The following ZSWIM4 variants were observed in gnomAD, a reference collection of about 807,000 sequenced individuals.
The protein encoded by ZSWIM4 is zinc finger SWIM-type containing 4.
ZSWIM4 carries 62 observed loss-of-function variants against 102.5 expected under a neutral mutation model. The observed-to-expected ratio is 0.60, with a 90% confidence interval of 0.49 to 0.75. ZSWIM4 has a LOEUF of 0.75. Among genes scored for constraint, ZSWIM4 ranks in the 30% least tolerant of loss-of-function variants. The probability of loss-of-function intolerance (pLI) is 0.00; values close to 1 mark genes in which losing one functional copy is unlikely to be tolerated. For missense variants in ZSWIM4, 1,280 were observed against 1,529.6 expected (o/e 0.84, Z 2.72); for synonymous variants, 652 against 674.5 (o/e 0.97, Z 0.52).
rs1383747549 is a variant in ZSWIM4, at chr19:13,819,383, G to C, written c.1951G>C (p.Val651Leu). 1 of 1,613,856 alleles carries C rather than the reference G, an allele frequency of 6.2e-7. No individual in the cohort carries two copies. ...EGGPFSGFGE[V>L]LFRESVPMHT... ...GGGTCCCTTCAGTGGCTTTGGGGAG[G>C]TGCTGTTCCGGGAGAGCGTGCCCAT... is the stretch of plus-strand genomic sequence containing the variant. The change falls in exon 10 of 14, where the codon GTG (valine) becomes CTG (leucine). Residue 651 changes from valine to leucine, a missense_variant. By Grantham distance (32) the Val-to-Leu change is conservative. Transcript: ENST00000590508.
At chr19:13,821,033 C>T (rs1427806021) in intron 10 of ZSWIM4, among the ~76,000 whole-genome samples, 1 of 152,130 alleles carries the variant, frequency 6.6e-6, no homozygotes, top group African/African-American at 2.4e-5. Context: ...CCTGTAATCC[C>T]AGCACTTTGG....
At chr19:13,810,875 G>T (rs1044923091) in intron 5 of ZSWIM4, among the ~76,000 whole-genome samples, 1 of 147,852 alleles carries the variant, frequency 6.8e-6, no homozygotes, top group African/African-American at 2.5e-5. Context: ...TTCCCAAAGG[G>T]TTGGGATTAC....
rs573798000 is a variant in ZSWIM4 at position 13,804,902 on chromosome 19, G to T, written c.466G>T (p.Gly156Cys). 1 of 1,613,568 alleles carries T rather than the reference G, an allele frequency of 6.2e-7. No homozygotes were observed. The highest frequency in any genetic ancestry group is 1.1e-5 in the South Asian group (1 of 91,088). ...DRCKITSVSC[G>C]CDNRDLFYCA... is the part of the protein sequence containing the mutation. ...CTGCAAGATCACGTCCGTGAGCTGC[G>T]GCTGTGACAACCGCGACCTCTTCTA... Residue 156 changes from glycine (G) to cysteine (C), a missense_variant, in exon 3 of 14, where the codon GGC (glycine) becomes TGC (cysteine). By Grantham distance (159) the Gly-to-Cys change is radical. Transcript: ENST00000590508.
At position 13,828,669 on chromosome 19, in the gene ZSWIM4, A is replaced by G. The variant is rs1233666544; in HGVS notation, c.2404A>G (p.Met802Val). ...GGTGATGCGGATGACTCTGAACGTA[A>G]TGACCTGGCGGCGGAGGGAGATGGT... is the stretch of plus-strand genomic sequence containing the variant. Reference protein sequence around the residue: ...LQVMRMTLNVMTWRRREMVRW... With the variant: ...LQVMRMTLNVVTWRRREMVRW... The change falls in exon 13 of 14, where the codon ATG becomes GTG. Residue 802 changes from methionine (M) to valine (V), a missense_variant. Transcript: ENST00000590508. 1.2e-6 allele frequency: 2 copies of G among 1,613,958 alleles called. No homozygotes were observed. Among genetic ancestry groups the G allele is most frequent in the Admixed American group, 1.7e-5 (1 of 59,984 alleles).
intron 10 of ZSWIM4, among the ~76,000 whole-genome samples, chr19:13,821,356 A>G (rs1366474950): frequency 6.6e-6 from 1 of 152,016 alleles, no homozygotes; most frequent in East Asian, 1.9e-4. Flanking sequence ...CACCTTCTGA[A>G]ACCATCCTTC....
chr19:13,805,987 G>A (rs537881261), intron 3 of ZSWIM4, among the ~76,000 whole-genome samples: 28 of 149,248 alleles, frequency 1.9e-4, no homozygotes, highest in African/African-American at 5.7e-4. Flanking sequence ...AAAAAAAAGC[G>A]TTCATGATCA....
At position 13,809,717 on chromosome 19, in the gene ZSWIM4, G is replaced by A. The variant is rs1272298724; in HGVS notation, c.1012+497G>A. The stretch of plus-strand genomic sequence containing the variant: ...TCTGGTCTTGAACTCCTGGACTCAA[G>A]CAGTCCTCTCACCCAGCCTCCCAAA... On this transcript the variant is annotated intron_variant, in intron 5 of 13. Coordinates refer to ENST00000590508, the MANE Select transcript of ZSWIM4 (RefSeq NM_001367834.3). This position sits in a 1 kb window ranked among gnomAD's most constrained non-coding sequence, Gnocchi z 4.2. 1.3e-5 allele frequency among the ~76,000 whole-genome samples: 2 copies of A among 152,140 alleles called. No homozygotes were observed. The highest frequency in any genetic ancestry group is 2.9e-5 in the Non-Finnish European group (2 of 68,042).
At chr19:13,815,680 C>G in intron 7 of ZSWIM4, among the ~76,000 whole-genome samples, 1 of 150,142 alleles carries the variant, frequency 6.7e-6, no homozygotes, top group Non-Finnish European at 1.5e-5. Context: ...CTATGTTGGC[C>G]AGGCTCTTCT....
intron 7 of ZSWIM4, among the ~76,000 whole-genome samples, chr19:13,815,962 A>AG (rs565372717): frequency 6.8e-5 from 10 of 147,522 alleles, no homozygotes; most frequent in Non-Finnish European, 1.2e-4. Context: ...AAAAAAAAAA[A>AG]AGAGAGAGAG....
intron 2 of ZSWIM4, 87 bp downstream of exon 2, chr19:13,800,008 C>A: frequency 1.5e-6 from 2 of 1,354,738 alleles, no homozygotes; most frequent in Non-Finnish European, 1.0e-6. Flanking sequence ...AGGCCTGGGG[C>A]CAGGGGATGG....
At chr19:13,822,163 TACAC>T (rs59602194) in intron 10 of ZSWIM4, among the ~76,000 whole-genome samples, 16,394 of 142,016 alleles carry the variant, frequency 0.12, 1,035 homozygotes, top group Non-Finnish European at 0.15. Flanking sequence ...CACACACACA[TACAC>T]ACACACACAC....
In ZSWIM4 at chr19:13,817,951, CAAG is replaced by C. The variant is rs1975344392; in HGVS notation, c.1900_1902del (p.Lys634del). ...ATGAGCGGTTGGTGCAGGTGCTGCG[CAAG>C]CAGGCGGGGCTGCTGCTGGAAGGTG... On this transcript the variant is annotated inframe_deletion, in exon 9 of 14. Transcript: ENST00000590508. The C allele has an allele frequency of 2.0e-6, 3 of 1,526,910 alleles. No homozygotes were observed. Among genetic ancestry groups the C allele is most frequent in the Non-Finnish European group, 2.6e-6 (3 of 1,134,804 alleles). The allele number at this position is 1,526,910 out of a possible 1,614,324, so 94.6% of individuals were successfully genotyped here.
chr19:13,813,836 G>A (rs375344150), intron 6 of ZSWIM4, among the ~76,000 whole-genome samples: 1 of 150,506 alleles, frequency 6.6e-6, no homozygotes, highest in Non-Finnish European at 1.5e-5. Flanking sequence ...TGGGAGAATC[G>A]CTTGAGCCTG....
chr19:13,796,351 A>T (rs1187883001), intron 1 of ZSWIM4, among the ~76,000 whole-genome samples: 1 of 151,000 alleles, frequency 6.6e-6, no homozygotes, highest in Non-Finnish European at 1.5e-5. Flanking sequence ...GACTCACACT[A>T]CCCCATTCCT....
Position 13,817,956 on chromosome 19 carries a change from A to G in ZSWIM4, c.1904A>G (p.Gln635Arg), listed in dbSNP as rs1975344593. The G allele has an allele frequency of 7.9e-6, 12 of 1,521,460 alleles. No individual in the cohort carries two copies. The highest frequency in any genetic ancestry group is 1.4e-5 in the African/African-American group (1 of 72,588). 94.2% of individuals were successfully genotyped at this position (1,521,460 alleles called of 1,614,324 possible). A position where few individuals can be genotyped will look rare whatever the true frequency, so the allele number is the denominator to read the frequency against. ...DERLVQVLRK[Q>R]AGLLLEGGPF... ...CGGTTGGTGCAGGTGCTGCGCAAGC[A>G]GGCGGGGCTGCTGCTGGAAGGTGAG... is the stretch of plus-strand genomic sequence containing the variant. Residue 635 changes from glutamine to arginine, a missense_variant, in exon 9 of 14, where the codon CAG becomes CGG. By Grantham distance (43) the Gln-to-Arg change is conservative (BLOSUM62 1). Coordinates refer to ENST00000590508, the MANE Select transcript of ZSWIM4 (RefSeq NM_001367834.3).
In ZSWIM4 at chr19:13,809,310, A is replaced by T; in HGVS notation, c.1012+90A>T. ...TCCAAGATTAGGGTCTGTTCCCTGAATCCGCCCTCCATTCGTTTGGCAAAC... is the reference window on the plus strand; with the variant it reads ...TCCAAGATTAGGGTCTGTTCCCTGATTCCGCCCTCCATTCGTTTGGCAAAC... On this transcript the variant is annotated intron_variant, in intron 5 of 13. Transcript: ENST00000590508. This position sits in a 1 kb window ranked among gnomAD's most constrained non-coding sequence, Gnocchi z 4.2. 6.8e-7 allele frequency: 1 copy of T among 1,473,334 alleles called. No individual in the cohort carries two copies. The highest frequency in any genetic ancestry group is 9.0e-7 in the Non-Finnish European group (1 of 1,113,276). The allele number at this position is 1,473,334 out of a possible 1,614,324, so 91.3% of individuals were successfully genotyped here.
Position 13,830,818 on chromosome 19 carries a change from G to T in ZSWIM4, c.3089G>T (p.Cys1030Phe). 2 of 1,606,330 alleles carry T rather than the reference G, an allele frequency of 1.2e-6. No individual in the cohort carries two copies. The highest frequency in any genetic ancestry group is 1.7e-6 in the Non-Finnish European group (2 of 1,175,232). ...CTGGGTGCCGACCGGGCGCCGCTCT[G>T]CCAGCTCCTGGACGCGGCAGTCACC... The part of the protein sequence containing the change: ...KPLGADRAPL[C>F]QLLDAAVTAY... The change falls in exon 14 of 14, where the codon TGC becomes TTC. Residue 1030 changes from cysteine to phenylalanine, a missense_variant. Cys to Phe is a radical substitution (Grantham distance 205). Coordinates refer to ENST00000590508, the MANE Select transcript of ZSWIM4 (RefSeq NM_001367834.3).
intron 2 of ZSWIM4, among the ~76,000 whole-genome samples, chr19:13,803,793 A>G (rs1477898923): frequency 8.1e-6 from 1 of 122,890 alleles, no homozygotes; most frequent in Non-Finnish European, 1.6e-5. Flanking sequence ...TGACAGAGCA[A>G]GACTCTGTCT....
In ZSWIM4 at chr19:13,805,556, T is replaced by G. The variant is rs570166957; in HGVS notation, c.712+408T>G. Among the ~76,000 whole-genome samples, 47 of 150,320 alleles carry G rather than the reference T, an allele frequency of 3.1e-4. No homozygotes were observed. The South Asian group carries it at 9.5e-3, about 30-fold the overall frequency. ...TGAGGGGATACACCAGGAGGCGTGG[T>G]GAGGGCTGGGAGGGTTTGGGGGGCT... is the stretch of plus-strand genomic sequence containing the variant. On this transcript the variant is annotated intron_variant, in intron 3 of 13. Transcript: ENST00000590508.
Sources: gnomAD v4.1 joint callset for allele counts (sites outside exome capture counted in the v4.1 genomes callset) on GRCh38, gnomAD v4.1.1 for gene constraint, Gnocchi (gnomAD v3.1) non-coding constraint, MANE v1.5 for transcripts, NCBI Gene and HGNC (gene_info 2026-07-23, HGNC 2026-07-21) for gene names.